The following KLHL1 variants were observed in gnomAD, a reference collection of about 807,000 sequenced individuals.
KLHL1 encodes kelch like family member 1.
In KLHL1, 47 loss-of-function variants were observed where a neutral mutation model predicts 77.7. That is an observed-to-expected ratio of 0.60 (90% CI 0.48 to 0.77). The LOEUF (loss-of-function observed/expected upper bound fraction) is 0.77. Ranked by LOEUF, KLHL1 falls within the 30% of genes least tolerant of loss-of-function variation. The probability of loss-of-function intolerance (pLI) is 0.00; values close to 1 mark genes in which losing one functional copy is unlikely to be tolerated. For missense variants in KLHL1, 925 were observed against 910.8 expected, an observed-to-expected ratio of 1.02 and a Z score of -0.20; for synonymous variants, 360 against 325.2, an observed-to-expected ratio of 1.11 and a Z score of -1.15.
At chr13:70,056,742 TAA>T (rs1223567277) in intron 1 of KLHL1, among the ~76,000 whole-genome samples, 1 of 151,914 alleles carries the variant, frequency 6.6e-6, no homozygotes, top group African/African-American at 2.4e-5. Context: ...ATGAGGAAAT[TAA>T]GAGAGAAATT....
intron 9 of KLHL1, among the ~76,000 whole-genome samples, chr13:69,710,636 C>T (rs1307574580): frequency 6.6e-6 from 1 of 152,058 alleles, no homozygotes; most frequent in Non-Finnish European, 1.5e-5. Context: ...ATTCACCTCT[C>T]AGCATGGGAC....
chr13:70,081,508 T>C (rs2137430172), intron 1 of KLHL1, among the ~76,000 whole-genome samples: 1 of 152,330 alleles, frequency 6.6e-6, no homozygotes, highest in African/African-American at 2.4e-5. Context: ...TTGCTGTTGG[T>C]TGTCAGCCAG....
At chr13:69,873,681 C>G (rs1880664130) in intron 5 of KLHL1, among the ~76,000 whole-genome samples, 1 of 152,104 alleles carries the variant, frequency 6.6e-6, no homozygotes, top group African/African-American at 2.4e-5. Flanking sequence ...TTGATGGGTG[C>G]AGCAAACCAC....
chr13:69,782,125 GCT>G (rs1243306589), intron 7 of KLHL1, among the ~76,000 whole-genome samples: 1 of 151,952 alleles, frequency 6.6e-6, no homozygotes, highest in Admixed American at 6.6e-5. Context: ...TCTGTTTTAA[GCT>G]CTCTCTTGGA....
At chr13:69,821,590 C>T (rs1483727529) in intron 6 of KLHL1, among the ~76,000 whole-genome samples, 1 of 152,144 alleles carries the variant, frequency 6.6e-6, no homozygotes, top group Non-Finnish European at 1.5e-5. Context: ...GCTGGGATTA[C>T]AGGGGCGTGC....
chr13:69,952,172 CG>C (rs1384495769), intron 3 of KLHL1, among the ~76,000 whole-genome samples: 1 of 151,332 alleles, frequency 6.6e-6, no homozygotes. Context: ...CCTATTACAT[CG>C]TTTTTGAATT....
At position 69,756,450 on chromosome 13, in the gene KLHL1, A is replaced by C. The variant is rs570731678; in HGVS notation, c.1640-15894T>G. 4.6e-5 allele frequency among the ~76,000 whole-genome samples: 7 copies of C among 152,286 alleles called. No individual in the cohort carries two copies. The East Asian group carries it at 1.4e-3, about 29-fold the overall frequency. ...AAAAACTTTGCCCTCCAATAGTAGC[A>C]ATTTGCAGAAACTACTTTTTTGTTA... On this transcript the variant is annotated intron_variant, in intron 7 of 10. Coordinates refer to ENST00000377844, the MANE Select transcript of KLHL1 (RefSeq NM_020866.3).
intron 1 of KLHL1, among the ~76,000 whole-genome samples, chr13:69,999,972 G>A (rs1162240436): frequency 6.6e-6 from 1 of 151,982 alleles, no homozygotes; most frequent in East Asian, 1.9e-4. Context: ...GTTGGTGAGA[G>A]GTATTTGGGT....
chr13:70,084,302 G>A (rs1280156833), intron 1 of KLHL1, among the ~76,000 whole-genome samples: 3 of 152,042 alleles, frequency 2.0e-5, no homozygotes, highest in African/African-American at 7.2e-5. Flanking sequence ...CCAGCATAGG[G>A]GATGTACATG....
At chr13:69,905,411 G>T (rs983769414) in intron 4 of KLHL1, among the ~76,000 whole-genome samples, 1 of 151,994 alleles carries the variant, frequency 6.6e-6, no homozygotes, top group Non-Finnish European at 1.5e-5. Context: ...TTGACCAAAT[G>T]CTGGCATTAG....
intron 1 of KLHL1, among the ~76,000 whole-genome samples, chr13:69,978,939 A>C (rs111914147): frequency 2.0e-5 from 3 of 152,182 alleles, no homozygotes; most frequent in Non-Finnish European, 4.4e-5. Flanking sequence ...AAGAAATAGA[A>C]AAGAAAGAAA....
In KLHL1 at chr13:70,010,031, GA is replaced by G. The variant is rs531992455; in HGVS notation, c.498-34230del. ...TATGGAAAGTGCATTACAAGAAGGA[GA>G]AAAAAAAAAGCAAGGCATGAGAATT... On this transcript the variant is annotated intron_variant, in intron 1 of 10. Transcript: ENST00000377844. Among the ~76,000 whole-genome samples the G allele has an allele frequency of 4.3e-3, 623 of 144,866 alleles. 6 individuals carry two copies. Among genetic ancestry groups the G allele is most frequent in the Middle Eastern group, 0.011 (3 of 284 alleles).
chr13:69,790,385 A>G (rs1177160170), intron 7 of KLHL1, among the ~76,000 whole-genome samples: 4 of 152,206 alleles, frequency 2.6e-5, no homozygotes. Context: ...TGTGGTTGCC[A>G]CCAATCCACT....
chr13:69,940,052 G>T lies in KLHL1; in HGVS notation c.1002C>A (p.His334Gln). 1 of 1,605,574 alleles carries T rather than the reference G, an allele frequency of 6.2e-7. No individual in the cohort carries two copies. The highest frequency in any genetic ancestry group is 1.1e-5 in the South Asian group (1 of 89,888). Residue 334 changes from histidine (H) to glutamine (Q), a missense_variant, in exon 4 of 11, where the codon CAC (histidine) becomes CAA (glutamine). Transcript: ENST00000377844. ...TAAGTTTCCTTACCATTGTGTAGCT[G>T]TGGGCCACCTTCATTAACTCAATGC... The part of the protein sequence containing the change: ...QGCIELMKVA[H>Q]SYTMENIMEV...
intron 1 of KLHL1, among the ~76,000 whole-genome samples, chr13:70,054,142 A>G (rs1593706259): frequency 6.6e-6 from 1 of 152,166 alleles, no homozygotes; most frequent in Non-Finnish European, 1.5e-5. Flanking sequence ...TATTTACTAC[A>G]CATTACACAC....
chr13:69,786,080 A>G (rs1314871554), intron 7 of KLHL1, among the ~76,000 whole-genome samples: 2 of 152,192 alleles, frequency 1.3e-5, no homozygotes, highest in African/African-American at 2.4e-5. Context: ...CCAGAGGTAC[A>G]AGGAGGAGCT....
intron 1 of KLHL1, among the ~76,000 whole-genome samples, chr13:70,000,936 AC>A (rs1315653445): frequency 6.7e-6 from 1 of 150,118 alleles, no homozygotes; most frequent in African/African-American, 2.4e-5. Flanking sequence ...AGAAAAAAAA[AC>A]AAAAAATAGA....
Position 70,105,072 on chromosome 13 carries a change from AACTAG to A in KLHL1, c.497+2126_497+2130del, listed in dbSNP as rs578050464. On this transcript the variant is annotated intron_variant, in intron 1 of 10. Transcript: ENST00000377844. Reference sequence around the variant, plus strand: ...GTGCTAGCTGATTTGTCTAGTAAGAAACTAGACTAAAAATAAAATTGGACCTGATT... The same window carrying A: ...GTGCTAGCTGATTTGTCTAGTAAGAAACTAAAAATAAAATTGGACCTGATT... Among the ~76,000 whole-genome samples the A allele has an allele frequency of 1.2e-4, 18 of 152,174 alleles. 1 individual carries two copies. Among genetic ancestry groups the A allele is most frequent in the African/African-American group, 4.3e-4 (18 of 41,572 alleles).
intron 3 of KLHL1, 62 bp downstream of exon 3, chr13:69,961,242 GTACT>G: frequency 6.8e-7 from 1 of 1,467,166 alleles, no homozygotes; most frequent in Non-Finnish European, 9.4e-7. Flanking sequence ...GTTAAATCCT[GTACT>G]TAAAGGAAAT....
Sources: gnomAD v4.1 joint callset for allele counts (sites outside exome capture counted in the v4.1 genomes callset) on GRCh38, gnomAD v4.1.1 for gene constraint, MANE v1.5 for transcripts, NCBI Gene and HGNC (gene_info 2026-07-23, HGNC 2026-07-21) for gene names.